The following DRC9 variants were observed in gnomAD, a reference collection of about 807,000 sequenced individuals.
The protein encoded by DRC9 is dynein regulatory complex subunit 9.
At chr3:197,957,324 C>A in the DRC9 span, 1 of 152,294 alleles carries the variant, frequency 6.6e-6, no homozygotes, top group Non-Finnish European at 1.5e-5. Context: ...CTCTGTCACA[C>A]TGGCAGTTCT....
the DRC9 span, among the ~76,000 whole-genome samples, chr3:197,898,711 C>T: frequency 8.2e-4 from 125 of 152,270 alleles, no homozygotes; most frequent in Middle Eastern, 0.031. Flanking sequence ...ACCATCAGAT[C>T]TTGTGAGAAC....
At chr3:197,890,767 G>A in the DRC9 span, among the ~76,000 whole-genome samples, 1 of 152,290 alleles carries the variant, frequency 6.6e-6, no homozygotes. Context: ...GACTCCTTAT[G>A]GGAAGCCCAA....
chr3:197,945,848 G>A, the DRC9 span, among the ~76,000 whole-genome samples: 1 of 152,150 alleles, frequency 6.6e-6, no homozygotes. Flanking sequence ...AAGAGCCTCC[G>A]ACATCATGGA....
the DRC9 span, among the ~76,000 whole-genome samples, chr3:197,925,291 G>A: frequency 9.9e-6 from 1 of 100,662 alleles, no homozygotes; most frequent in African/African-American, 3.9e-5. Flanking sequence ...GGGTGGGGGT[G>A]TATGTGGGGT....
the DRC9 span, chr3:197,892,882 G>A: frequency 8.0e-7 from 1 of 1,242,840 alleles, no homozygotes. Context: ...AGGCAGAACA[G>A]TAGTTACTTA....
At chr3:197,897,772 T>C in the DRC9 span, among the ~76,000 whole-genome samples, 17 of 137,398 alleles carry the variant, frequency 1.2e-4, no homozygotes, top group Admixed American at 5.7e-4. Flanking sequence ...GCATAAACCT[T>C]TTTTTTTTTT....
the DRC9 span, among the ~76,000 whole-genome samples, chr3:197,937,861 G>C: frequency 2.0e-5 from 3 of 152,094 alleles, no homozygotes; most frequent in Non-Finnish European, 1.5e-5. Flanking sequence ...AGAAGCTTGA[G>C]GGCGGCAGTG....
the DRC9 span, among the ~76,000 whole-genome samples, chr3:197,909,880 C>T: frequency 6.6e-6 from 1 of 152,100 alleles, no homozygotes; most frequent in Non-Finnish European, 1.5e-5. Context: ...GTAATCCCAG[C>T]TACTCGGGAG....
At chr3:197,937,041 A>G in the DRC9 span, among the ~76,000 whole-genome samples, 1 of 152,172 alleles carries the variant, frequency 6.6e-6, no homozygotes, top group Non-Finnish European at 1.5e-5. Flanking sequence ...CAACGACTCA[A>G]CTCTGCATTG....
chr3:197,937,536 C>T, the DRC9 span, among the ~76,000 whole-genome samples: 8 of 151,794 alleles, frequency 5.3e-5, no homozygotes, highest in Non-Finnish European at 1.2e-4. Flanking sequence ...GCCATCTCAG[C>T]TCACTGTAAC....
chr3:197,889,767 A>G, the DRC9 span: 1 of 1,603,214 alleles, frequency 6.2e-7, no homozygotes, highest in Non-Finnish European at 8.5e-7. Context: ...GACAAGCTGC[A>G]TTCTTTCCAC....
At chr3:197,942,498 C>T in the DRC9 span, among the ~76,000 whole-genome samples, 7 of 146,808 alleles carry the variant, frequency 4.8e-5, no homozygotes, top group African/African-American at 1.8e-4. Context: ...TAATTTTCTT[C>T]TCTTGATAAA....
the DRC9 span, among the ~76,000 whole-genome samples, chr3:197,923,859 G>A: frequency 6.6e-6 from 1 of 152,180 alleles, no homozygotes; most frequent in Non-Finnish European, 1.5e-5. Flanking sequence ...TCGAGGCCAG[G>A]AGGCTGAGAC....
chr3:197,947,928 CTTTTTTTTTT>C, the DRC9 span, among the ~76,000 whole-genome samples: 7 of 96,770 alleles, frequency 7.2e-5, no homozygotes, highest in African/African-American at 1.7e-4. Context: ...CCTGCTTTAC[CTTTTTTTTTT>C]TTTTTTTTTT....
chr3:197,904,914 A>T, the DRC9 span, among the ~76,000 whole-genome samples: 1 of 152,204 alleles, frequency 6.6e-6, no homozygotes, highest in Non-Finnish European at 1.5e-5. Flanking sequence ...TCGGCCCAGA[A>T]TGAGATTGTG....
the DRC9 span, chr3:197,950,652 A>C: frequency 2.0e-6 from 1 of 495,410 alleles, no homozygotes; most frequent in African/African-American, 1.9e-5. Context: ...TTGCCTACTG[A>C]TAACGGCATG....
chr3:197,941,084 A>G, the DRC9 span, among the ~76,000 whole-genome samples: 1 of 152,288 alleles, frequency 6.6e-6, no homozygotes, highest in Middle Eastern at 3.4e-3. Flanking sequence ...GTAGCATTGA[A>G]AAGACTTCAT....
the DRC9 span, chr3:197,938,997 G>C: frequency 3.7e-6 from 2 of 542,462 alleles, no homozygotes; most frequent in South Asian, 4.5e-5. Context: ...TTACCACCTG[G>C]TACACTCTGC....
the DRC9 span, chr3:197,943,987 T>A: frequency 7.4e-6 from 12 of 1,614,150 alleles, no homozygotes; most frequent in Middle Eastern, 3.3e-4. Context: ...GGTTCGCCTG[T>A]CACTGACACC....
Sources: gnomAD v4.1 joint callset for allele counts (sites outside exome capture counted in the v4.1 genomes callset) on GRCh38, gnomAD v4.1.1 for gene constraint, MANE v1.5 for transcripts, NCBI Gene and HGNC (gene_info 2026-07-23, HGNC 2026-07-21) for gene names.